Variants in PLD1 observed in about 807,000 individuals in gnomAD.
The protein encoded by PLD1 is phospholipase D1, also known as choline phosphatase 1.
A neutral mutation model predicts 137.1 loss-of-function variants in PLD1; 112 were observed. The observed-to-expected ratio is 0.82, with a 90% confidence interval of 0.70 to 0.96. The LOEUF is 0.96. Ranked by LOEUF, PLD1 falls within the 40% of genes least tolerant of loss-of-function variation. The pLI, the probability that PLD1 is intolerant of heterozygous loss-of-function variation, is 0.00. For synonymous variants in PLD1, 431 were observed against 454.7 expected (o/e 0.95, Z 0.66); for missense variants, 1,321 against 1,342.0 (o/e 0.98, Z 0.24).
intron 8 of PLD1, among the ~76,000 whole-genome samples, chr3:171,717,431 C>T (rs954989408): frequency 6.6e-6 from 1 of 152,130 alleles, no homozygotes; most frequent in Non-Finnish European, 1.5e-5. Context: ...CCTCCCTAGT[C>T]AGCTGAATTC....
chr3:171,660,903 C>T (rs1392555694), intron 20 of PLD1, among the ~76,000 whole-genome samples: 2 of 152,116 alleles, frequency 1.3e-5, no homozygotes, highest in Non-Finnish European at 2.9e-5. Context: ...GCCACCGTGC[C>T]CGGCCAGAAA....
intron 1 of PLD1, among the ~76,000 whole-genome samples, chr3:171,746,867 G>C (rs1161072523): frequency 6.6e-6 from 1 of 152,198 alleles, no homozygotes; most frequent in Non-Finnish European, 1.5e-5. Context: ...AACCAGCTGG[G>C]GCCCCCTTCA....
At chr3:171,677,798 T>A in intron 16 of PLD1, 104 bp from the exon 17 acceptor site, 1 of 1,148,836 alleles carries the variant, frequency 8.7e-7, no homozygotes. Flanking sequence ...CTTAATTTCT[T>A]AAGACACAAC....
chr3:171,705,156 T>C (rs1375296870), intron 11 of PLD1, among the ~76,000 whole-genome samples: 1 of 152,108 alleles, frequency 6.6e-6, no homozygotes, highest in African/African-American at 2.4e-5. Context: ...GTCAATGAAT[T>C]TGAAGGCAAA....
chr3:171,604,262 C>T (rs968170537), intron 26 of PLD1, among the ~76,000 whole-genome samples: 22 of 149,370 alleles, frequency 1.5e-4, no homozygotes, highest in Admixed American at 4.0e-4. Context: ...TGCAGTGAGC[C>T]GAGATCATGC....
intron 8 of PLD1, among the ~76,000 whole-genome samples, chr3:171,720,158 G>A (rs904485449): frequency 1.3e-5 from 2 of 151,784 alleles, no homozygotes; most frequent in African/African-American, 4.8e-5. Flanking sequence ...ATCCAGGTGC[G>A]GTGGTATGCA....
At position 171,742,493 on chromosome 3, in the gene PLD1, C is replaced by A. The variant is rs982381972; in HGVS notation, c.-31-4411G>T. On this transcript the variant is annotated intron_variant, in intron 1 of 26. Transcript: ENST00000351298. ...CTTTCTAACATAATATGCAAAAATT[C>A]ATTTTTTTCTAGCTGCTATTGTACT... 2.7e-4 allele frequency among the ~76,000 whole-genome samples: 29 copies of A among 107,360 alleles called. No individual in the cohort carries two copies. In the East Asian group the frequency reaches 2.9e-3, roughly 11 times the overall value. 70.4% of individuals were successfully genotyped at this position (107,360 alleles called of 152,430 possible). A position where few individuals can be genotyped will look rare whatever the true frequency, so the allele number is the denominator to read the frequency against.
At chr3:171,669,307 T>C (rs995625441) in intron 19 of PLD1, among the ~76,000 whole-genome samples, 3 of 152,260 alleles carry the variant, frequency 2.0e-5, no homozygotes, top group African/African-American at 7.2e-5. Context: ...CAAATACTCT[T>C]TCTCCCCATT....
At chr3:171,778,736 TGA>T (rs1722672495) in intron 1 of PLD1, among the ~76,000 whole-genome samples, 1 of 152,154 alleles carries the variant, frequency 6.6e-6, no homozygotes, top group South Asian at 2.1e-4. Context: ...GAGGGTGTAG[TGA>T]GAGAAGAAAC....
At position 171,612,103 on chromosome 3, in the gene PLD1, T is replaced by G. The variant is rs534841120; in HGVS notation, c.2882+176A>C. Among the ~76,000 whole-genome samples, 5 of 152,206 alleles carry G rather than the reference T, an allele frequency of 3.3e-5. No individual in the cohort carries two copies. Among genetic ancestry groups the G allele is most frequent in the African/African-American group, 1.2e-4 (5 of 41,448 alleles). On this transcript the variant is annotated intron_variant, in intron 25 of 26. Transcript: ENST00000351298. The surrounding 1 kb of genome is among the most constrained non-coding windows in gnomAD (Gnocchi z 4.1). ...AAGCTATTAAAATAAAAAATATTCA[T>G]GTACCACCTAAAGTCATTTCGCATA... is the stretch of plus-strand genomic sequence containing the variant.
intron 1 of PLD1, among the ~76,000 whole-genome samples, chr3:171,790,432 G>A (rs1001568284): frequency 4.6e-5 from 7 of 152,200 alleles, no homozygotes; most frequent in African/African-American, 1.7e-4. Context: ...ACCTCTTGGC[G>A]TGGAATCACC....
chr3:171,676,264 G>T (rs774792289), intron 18 of PLD1, among the ~76,000 whole-genome samples: 1 of 152,102 alleles, frequency 6.6e-6, no homozygotes, highest in Non-Finnish European at 1.5e-5. Context: ...TTCTTGGTTT[G>T]CTCAGAACCA....
intron 23 of PLD1, among the ~76,000 whole-genome samples, chr3:171,621,940 A>G (rs1733675240): frequency 6.6e-6 from 1 of 152,212 alleles, no homozygotes; most frequent in African/African-American, 2.4e-5. Context: ...CTACTGTTGT[A>G]CAGGAACTGG....
Position 171,704,994 on chromosome 3 carries a change from T to C in PLD1, c.1145+3761A>G, listed in dbSNP as rs115957080. ...TCCCACGAGAATCTAATGCCACGGC[T>C]GATCTGACAGGAGGCGGAGCTCAGG... On this transcript the variant is annotated intron_variant, in intron 11 of 26. Coordinates refer to ENST00000351298, the MANE Select transcript of PLD1 (RefSeq NM_002662.5). 6.1e-3 allele frequency among the ~76,000 whole-genome samples: 929 copies of C among 152,278 alleles called. 6 individuals are homozygous for C. Among genetic ancestry groups the C allele is most frequent in the African/African-American group, 0.021 (891 of 41,546 alleles).
rs545863227 is a variant in PLD1, at chr3:171,700,816, A to C, written c.1146-990T>G. On this transcript the variant is annotated intron_variant, in intron 11 of 26. Coordinates refer to ENST00000351298, the MANE Select transcript of PLD1 (RefSeq NM_002662.5). ...CAGCTAAGGTAAGCTAAGCTTCACAAGGCAGCTAAGAGTACAATAGAGTCA... is the reference window on the plus strand; with the variant it reads ...CAGCTAAGGTAAGCTAAGCTTCACACGGCAGCTAAGAGTACAATAGAGTCA... Among the ~76,000 whole-genome samples, 301 of 152,344 alleles carry C rather than the reference A, an allele frequency of 2.0e-3. 1 individual carries two copies. Among genetic ancestry groups the C allele is most frequent in the African/African-American group, 7.0e-3 (292 of 41,590 alleles).
chr3:171,609,069 T>G (rs764543740), intron 25 of PLD1, among the ~76,000 whole-genome samples: 5 of 151,966 alleles, frequency 3.3e-5, no homozygotes, highest in Non-Finnish European at 7.4e-5. Context: ...CATTAAAAAG[T>G]GGGCAAAAGA....
chr3:171,603,472 T>C (rs950899467), intron 26 of PLD1, among the ~76,000 whole-genome samples, 170 bp from the exon 27 acceptor site: 2 of 152,194 alleles, frequency 1.3e-5, no homozygotes, highest in African/African-American at 2.4e-5. Context: ...TAACCAACAA[T>C]AGATAGATCT....
At position 171,748,812 on chromosome 3, in the gene PLD1, T is replaced by C. The variant is rs1000016274; in HGVS notation, c.-31-10730A>G. Reference sequence around the variant, plus strand: ...CCTAATGTGTAAAATGGAAGTAATATTGCGTGGCTTAGAGCTTGGGCTATA... The same window carrying C: ...CCTAATGTGTAAAATGGAAGTAATACTGCGTGGCTTAGAGCTTGGGCTATA... On this transcript the variant is annotated intron_variant, in intron 1 of 26. Transcript: ENST00000351298. 2.7e-5 allele frequency among the ~76,000 whole-genome samples: 4 copies of C among 149,412 alleles called. No individual in the cohort carries two copies. In the South Asian group the frequency reaches 6.6e-4, roughly 24 times the overall value.
chr3:171,649,421 A>G (rs995166623), intron 21 of PLD1, among the ~76,000 whole-genome samples: 6 of 152,224 alleles, frequency 3.9e-5, no homozygotes, highest in Non-Finnish European at 8.8e-5. Context: ...TTGTGGTTGA[A>G]TGTAAGCCAA....
Sources: allele counts gnomAD v4.1 joint callset (sites outside exome capture counted in the v4.1 genomes callset), GRCh38; gene constraint gnomAD v4.1.1; non-coding constraint Gnocchi (gnomAD v3.1); transcripts MANE v1.5; gene names NCBI Gene and HGNC (gene_info 2026-07-23, HGNC 2026-07-21).